The following DMXL1 variants were observed in gnomAD, a reference collection of about 807,000 sequenced individuals.
DMXL1 encodes the protein Dmx like 1.
In DMXL1, 99 loss-of-function variants were observed where a neutral mutation model predicts 319.2. The ratio of observed to expected loss-of-function variants is 0.31; its 90% CI spans 0.26 to 0.37. DMXL1 has a LOEUF of 0.37. Among genes scored for constraint, DMXL1 ranks in the 10% least tolerant of loss-of-function variants. DMXL1 has a pLI of 1.00. For missense variants in DMXL1, 3,745 were observed against 3,595.6 expected, an observed-to-expected ratio of 1.04 and a Z score of -1.06; for synonymous variants, 1,385 against 1,235.2, an observed-to-expected ratio of 1.12 and a Z score of -2.54.
intron 39 of DMXL1, chr5:119,237,087 G>T: frequency 3.8e-6 from 1 of 266,042 alleles, no homozygotes; most frequent in Non-Finnish European, 7.2e-6. Context: ...CTATGCTAGA[G>T]GCTACTGTAA....
At chr5:119,100,097 A>G (rs1321589441) in intron 2 of DMXL1, among the ~76,000 whole-genome samples, 1 of 152,164 alleles carries the variant, frequency 6.6e-6, no homozygotes, top group Non-Finnish European at 1.5e-5. Context: ...CAGTATTATC[A>G]TAGTGGTTCC....
Position 119,146,848 on chromosome 5 carries a change from A to C in DMXL1, c.2581A>C (p.Asn861His). Residue 861 changes from asparagine (N) to histidine (H), a missense_variant, in exon 16 of 44, where the codon AAT (asparagine) becomes CAT (histidine). Physicochemically the swap from Asn to His is moderately conservative, Grantham distance 68. Coordinates refer to ENST00000539542, the MANE Select transcript of DMXL1 (RefSeq NM_001290321.3). The part of the protein sequence containing the change: ...SILSNAGSSP[N>H]GFSEKFYLIV... ...ATTAATACCAACAGGCAGCTCACCT[A>C]ATGGATTTTCTGAGAAGTTCTACCT... 1 of 1,610,376 alleles carries C rather than the reference A, an allele frequency of 6.2e-7. No individual in the cohort carries two copies. Among genetic ancestry groups the C allele is most frequent in the Non-Finnish European group, 8.5e-7 (1 of 1,178,064 alleles).
chr5:119,141,981 C>G (rs1254238816), intron 13 of DMXL1, among the ~76,000 whole-genome samples: 1 of 152,178 alleles, frequency 6.6e-6, no homozygotes, highest in Non-Finnish European at 1.5e-5. Context: ...ACTGTCTGAT[C>G]TTTGACAAAC....
At chr5:119,185,212 C>T (rs1581207256) in intron 28 of DMXL1, among the ~76,000 whole-genome samples, 1 of 152,068 alleles carries the variant, frequency 6.6e-6, no homozygotes, top group African/African-American at 2.4e-5. Flanking sequence ...CTACCTCCTT[C>T]CCTTCTCCTT....
At chr5:119,228,654 A>AT (rs1246036184) in intron 38 of DMXL1, among the ~76,000 whole-genome samples, 4 of 151,980 alleles carry the variant, frequency 2.6e-5, no homozygotes, top group African/African-American at 9.7e-5. Context: ...GTGAGAACAA[A>AT]TTTTTTTTGA....
At chr5:119,122,896 T>G (rs932783728) in intron 9 of DMXL1, among the ~76,000 whole-genome samples, 2 of 149,896 alleles carry the variant, frequency 1.3e-5, no homozygotes, top group African/African-American at 4.9e-5. Context: ...ACTTCCCAGA[T>G]GGGGTGGCGG....
At chr5:119,085,010 T>C (rs1258404931) in intron 1 of DMXL1, among the ~76,000 whole-genome samples, 1 of 152,064 alleles carries the variant, frequency 6.6e-6, no homozygotes, top group African/African-American at 2.4e-5. Context: ...TAGTTTTCCT[T>C]GTACAAATCT....
At chr5:119,217,548 CT>C (rs1427503473) in intron 35 of DMXL1, among the ~76,000 whole-genome samples, 1 of 152,144 alleles carries the variant, frequency 6.6e-6, no homozygotes, top group Non-Finnish European at 1.5e-5. Flanking sequence ...TCTGTCTCCC[CT>C]AATTGCCTTA....
At chr5:119,200,884 A>G (rs1780579316) in intron 32 of DMXL1, among the ~76,000 whole-genome samples, 1 of 152,130 alleles carries the variant, frequency 6.6e-6, no homozygotes, top group African/African-American at 2.4e-5. Context: ...TTGTTGGTGT[A>G]TAGGAATGCT....
chr5:119,118,724 G>A, intron 7 of DMXL1, 91 bp from the exon 8 acceptor site: 1 of 950,106 alleles, frequency 1.1e-6, no homozygotes, highest in Non-Finnish European at 1.6e-6. Flanking sequence ...ACCTTAGTTG[G>A]TACATTTAAG....
intron 34 of DMXL1, among the ~76,000 whole-genome samples, chr5:119,208,133 T>G (rs1782074095): frequency 6.6e-6 from 1 of 152,064 alleles, no homozygotes; most frequent in Non-Finnish European, 1.5e-5. Context: ...GGAATATAAT[T>G]CAAACTTTTA....
intron 9 of DMXL1, among the ~76,000 whole-genome samples, chr5:119,121,390 A>G (rs1038919310): frequency 6.6e-6 from 1 of 152,054 alleles, no homozygotes; most frequent in African/African-American, 2.4e-5. Flanking sequence ...CAACAAGTGA[A>G]CAAAGGTCTC....
intron 13 of DMXL1, among the ~76,000 whole-genome samples, chr5:119,143,253 G>A (rs903509842): frequency 5.9e-5 from 9 of 151,914 alleles, no homozygotes; most frequent in South Asian, 4.1e-4. Flanking sequence ...TGGAATGCTC[G>A]GTTAAAAGTA....
chr5:119,235,853 C>T (rs1416946012), intron 39 of DMXL1, among the ~76,000 whole-genome samples: 2 of 152,044 alleles, frequency 1.3e-5, no homozygotes, highest in African/African-American at 4.8e-5. Flanking sequence ...TCCAAACTAT[C>T]ATTCAAATTT....
chr5:119,122,900 G>C (rs1349478273), intron 9 of DMXL1, among the ~76,000 whole-genome samples: 2 of 152,098 alleles, frequency 1.3e-5, no homozygotes, highest in Admixed American at 1.3e-4. Context: ...CCCAGATGGG[G>C]TGGCGGCCGG....
At position 119,175,684 on chromosome 5, in the gene DMXL1, T is replaced by C. The variant is rs575900020; in HGVS notation, c.6758+347T>C. On this transcript the variant is annotated intron_variant, in intron 26 of 43. Transcript: ENST00000539542. ...GAGTTGATAAATGATATGTATATAA[T>C]ATGGCATAGTACTAAAATGGTAACT... is the stretch of plus-strand genomic sequence containing the variant. Among the ~76,000 whole-genome samples, 30 of 152,230 alleles carry C rather than the reference T, an allele frequency of 2.0e-4. No individual in the cohort carries two copies. In the South Asian group the frequency reaches 4.1e-3, roughly 21 times the overall value.
chr5:119,240,413 T>C lies in DMXL1; in HGVS notation c.8652-6T>C, dbSNP rs1581504723. 6.3e-7 allele frequency: 1 copy of C among 1,597,286 alleles called. No individual in the cohort carries two copies. Among genetic ancestry groups the C allele is most frequent in the African/African-American group, 1.4e-5 (1 of 73,894 alleles). ...ACTCAGAAGTAATCTTTTTTTTTTTTTCCAGAAACGTATGTTTGTGGGATA... is the reference window on the plus strand; with the variant it reads ...ACTCAGAAGTAATCTTTTTTTTTTTCTCCAGAAACGTATGTTTGTGGGATA... On this transcript the variant is annotated splice_polypyrimidine_tract_variant and splice_region_variant and intron_variant, in intron 41 of 43. Coordinates refer to ENST00000539542, the MANE Select transcript of DMXL1 (RefSeq NM_001290321.3).
At chr5:119,127,917 A>G in intron 9 of DMXL1, 1 of 366,886 alleles carries the variant, frequency 2.7e-6, no homozygotes, top group South Asian at 2.4e-5. Flanking sequence ...TTCAAGCAAA[A>G]GCTTCATAAA....
intron 39 of DMXL1, among the ~76,000 whole-genome samples, chr5:119,234,619 T>C (rs1355043178): frequency 6.6e-6 from 1 of 152,182 alleles, no homozygotes; most frequent in African/African-American, 2.4e-5. Context: ...TAGTGGGAAA[T>C]TAAGGGAACT....
Sources: allele counts gnomAD v4.1 joint callset (sites outside exome capture counted in the v4.1 genomes callset), GRCh38; gene constraint gnomAD v4.1.1; transcripts MANE v1.5; gene names NCBI Gene and HGNC (gene_info 2026-07-23, HGNC 2026-07-21).